BTK: variants seen among roughly 807,000 people sequenced by gnomAD.
The protein encoded by BTK is tyrosine-protein kinase BTK.
BTK carries 5 observed loss-of-function variants against 57.4 expected under a neutral mutation model. The ratio of observed to expected loss-of-function variants is 0.09; its 90% CI spans 0.05 to 0.18. The LOEUF (loss-of-function observed/expected upper bound fraction) is 0.18, where lower values mean the gene tolerates loss of function less well. BTK is among the 10% of genes least tolerant of loss of function. The pLI is 1.00. For synonymous variants in BTK, 154 were observed against 174.3 expected, an observed-to-expected ratio of 0.88 and a Z score of 0.92; for missense variants, 194 against 501.2, an observed-to-expected ratio of 0.39 and a Z score of 5.85.
chrX:101,379,851 TCTGG>T (rs1927354224), intron 1 of BTK, among the ~76,000 whole-genome samples: 1 of 112,223 alleles, frequency 8.9e-6, no homozygotes, highest in African/African-American at 3.2e-5. Flanking sequence ...ATGATCTGTC[TCTGG>T]TAACTGTCAA....
intron 4 of BTK, 148 bp downstream of exon 4, chrX:101,371,485 G>C: frequency 1.8e-6 from 1 of 557,461 alleles, no homozygotes; most frequent in Non-Finnish European, 3.2e-6. Context: ...CTTAGCCCAT[G>C]CCAGTCTCAT....
At chrX:101,364,987 G>GC (rs372369947) in intron 5 of BTK, among the ~76,000 whole-genome samples, 7 of 111,146 alleles carry the variant, frequency 6.3e-5, no homozygotes, top group East Asian at 5.7e-4. Context: ...TGATTCACCC[G>GC]CCCCCCATCG....
upstream of BTK, among the ~76,000 whole-genome samples, chrX:101,388,024 G>A (rs1927675790): frequency 9.0e-6 from 1 of 110,539 alleles, no homozygotes; most frequent in African/African-American, 3.3e-5. Context: ...CTGCCACCAC[G>A]CCTGGCTAAT....
Position 101,360,766 on chromosome X carries a change from A to T in BTK, c.589-11T>A. ...TGGCTTTTTCAAGATCTATGTAGTT[A>T]GGAGAAAAGGTAGGAGGGTTTGTCA... On this transcript the variant is annotated splice_polypyrimidine_tract_variant and intron_variant, in intron 7 of 18. Coordinates refer to ENST00000308731, the MANE Select transcript of BTK (RefSeq NM_000061.3). The T allele has an allele frequency of 8.3e-7, 1 of 1,205,314 alleles. No individual in the cohort carries two copies. The highest frequency in any genetic ancestry group is 1.1e-6 in the Non-Finnish European group (1 of 890,092).
At position 101,375,279 on chromosome X, in the gene BTK, G is replaced by A. The variant is rs372818780; in HGVS notation, c.6C>T (p.Ala2=). 2.0e-5 allele frequency: 24 copies of A among 1,211,505 alleles called. No homozygotes were observed. The highest frequency in any genetic ancestry group is 2.6e-5 in the Non-Finnish European group (23 of 895,442). Residue 2 remains alanine (A), a synonymous_variant, in exon 2 of 19, where the codon GCC becomes GCT. Transcript: ENST00000308731. ...GAAAGATGCTCTCCAGAATCACTGCGGCCATAGCTTCTTCTTTCTGGAGTT... is the reference window on the plus strand; with the variant it reads ...GAAAGATGCTCTCCAGAATCACTGCAGCCATAGCTTCTTCTTTCTGGAGTT... M[A]AVILESIFLK...
chrX:101,389,979 C>T (rs1396267412), upstream of BTK, among the ~76,000 whole-genome samples: 1 of 111,587 alleles, frequency 9.0e-6, no homozygotes, highest in Non-Finnish European at 1.9e-5. Context: ...ATTATAATTA[C>T]CAGGCCACAA....
intron 5 of BTK, among the ~76,000 whole-genome samples, chrX:101,367,975 G>C (rs782077665): frequency 8.9e-6 from 1 of 111,898 alleles, no homozygotes; most frequent in Non-Finnish European, 1.9e-5. Context: ...TACATGTCCT[G>C]CAGAGCTCTT....
chrX:101,349,751 A>G lies in BTK; in HGVS notation c.*134T>C, dbSNP rs1307185865. 3.7e-6 allele frequency: 2 copies of G among 537,028 alleles called. No individual in the cohort carries two copies. Among genetic ancestry groups the G allele is most frequent in the African/African-American group, 4.6e-5 (2 of 43,042 alleles). The allele number at this position is 537,028 out of a possible 1,213,427, so 44.3% of individuals were successfully genotyped here. On this transcript the variant is annotated 3_prime_UTR_variant, in exon 19 of 19. Transcript: ENST00000308731. ...AATCAAAGAAGAGGTGCATTCCCAG[A>G]TGTAGAGAGGGGCCTTTTTGTATTG...
intron 15 of BTK, among the ~76,000 whole-genome samples, chrX:101,355,103 A>AC (rs1211005267): frequency 9.0e-6 from 1 of 111,580 alleles, no homozygotes; most frequent in Non-Finnish European, 1.9e-5. Flanking sequence ...ACATGGCGAT[A>AC]CCCCATCTAC....
upstream of BTK, among the ~76,000 whole-genome samples, chrX:101,388,158 G>T (rs36222103): frequency 0.042 from 4,721 of 111,559 alleles, 105 homozygotes; most frequent in Middle Eastern, 0.088. Flanking sequence ...GAGCCACCGT[G>T]CCCAGGCTCT....
intron 5 of BTK, among the ~76,000 whole-genome samples, chrX:101,364,902 C>T (rs782294095): frequency 5.4e-5 from 6 of 110,797 alleles, no homozygotes; most frequent in Non-Finnish European, 1.1e-4. Flanking sequence ...CCACCAAGCC[C>T]GGCTAATTTT....
intron 16 of BTK, 70 bp from the exon 17 acceptor site, chrX:101,354,058 G>C (rs1926385953): frequency 6.4e-6 from 5 of 784,533 alleles, no homozygotes; most frequent in Non-Finnish European, 9.8e-6. Flanking sequence ...TTCTTGGCAC[G>C]GTCACAAGAG....
At chrX:101,373,302 A>G (rs1555980632) in intron 3 of BTK, among the ~76,000 whole-genome samples, 1 of 112,006 alleles carries the variant, frequency 8.9e-6, no homozygotes, top group Admixed American at 9.5e-5. Context: ...GAATAAAAAA[A>G]GTACAGAAAG....
intron 5 of BTK, among the ~76,000 whole-genome samples, chrX:101,369,647 C>T (rs1926959911): frequency 8.9e-6 from 1 of 111,750 alleles, no homozygotes; most frequent in South Asian, 3.7e-4. Context: ...AACTGGGAAA[C>T]TCTTAGTCTA....
upstream of BTK, among the ~76,000 whole-genome samples, chrX:101,388,504 T>TA (rs1486260316): frequency 5.4e-5 from 6 of 112,056 alleles, no homozygotes; most frequent in Non-Finnish European, 1.1e-4. Flanking sequence ...GAGGAAAATA[T>TA]AAAAAGTAGC....
At position 101,362,631 on chromosome X, in the gene BTK, C is replaced by T; in HGVS notation, c.450G>A (p.Gly150=). The change falls in exon 6 of 19, where the codon GGG becomes GGA. Residue 150 remains glycine (G), a synonymous_variant. Transcript: ENST00000308731. ...QKYHPCFWID[G]QYLCCSQTAK... is the part of the protein sequence containing the mutation. ...CTGTCTGAGAGCAGCAGAGATACTG[C>T]CCATCGATCCAGAAGCAAGGGTGAT... The T allele has an allele frequency of 8.3e-7, 1 of 1,211,867 alleles. No homozygotes were observed. The highest frequency in any genetic ancestry group is 1.7e-5 in the African/African-American group (1 of 57,893).
intron 5 of BTK, among the ~76,000 whole-genome samples, chrX:101,365,403 A>G (rs1208661664): frequency 8.9e-6 from 1 of 112,100 alleles, no homozygotes; most frequent in Non-Finnish European, 1.9e-5. Context: ...ACCTCCCTAC[A>G]TTCTCAAATA....
At chrX:101,367,202 T>C (rs142177412) in intron 5 of BTK, among the ~76,000 whole-genome samples, 2 of 101,377 alleles carry the variant, frequency 2.0e-5, no homozygotes, top group Non-Finnish European at 4.0e-5. Context: ...CAACATCACG[T>C]CACTCTACTC....
rs576652772 is a variant in BTK at position 101,382,031 on chromosome X, CA to C, written c.-31+4030del. Among the ~76,000 whole-genome samples, 214 of 54,504 alleles carry C rather than the reference CA, an allele frequency of 3.9e-3. 1 individual carries two copies. Among genetic ancestry groups the C allele is most frequent in the Admixed American group, 6.7e-3 (28 of 4,165 alleles). The allele number at this position is 54,504 out of a possible 115,157, so 47.3% of individuals were successfully genotyped here. Reference sequence around the variant, plus strand: ...TGGGTGACAGAGTCAGACTCCGTCTCAAAAAAAAAAAAAAAGAAAAAAGAAA... The same window carrying C: ...TGGGTGACAGAGTCAGACTCCGTCTCAAAAAAAAAAAAAAGAAAAAAGAAA... On this transcript the variant is annotated intron_variant, in intron 1 of 18. Transcript: ENST00000308731.
Sources: gnomAD v4.1 joint callset for allele counts (sites outside exome capture counted in the v4.1 genomes callset) on GRCh38, gnomAD v4.1.1 for gene constraint, MANE v1.5 for transcripts, NCBI Gene and HGNC (gene_info 2026-07-23, HGNC 2026-07-21) for gene names.